COP1: variants seen among roughly 807,000 people sequenced by gnomAD.
The protein encoded by COP1 is E3 ubiquitin-protein ligase COP1.
Under a neutral mutation model 101.3 loss-of-function variants are expected in COP1, and 24 were observed. The observed-to-expected ratio is 0.24, with a 90% CI of 0.17 to 0.33. The LOEUF (loss-of-function observed/expected upper bound fraction) is 0.33, where lower values mean the gene tolerates loss of function less well. Among genes scored for constraint, COP1 ranks in the 10% least tolerant of loss-of-function variants. COP1 has a pLI of 1.00. For synonymous variants in COP1, 347 were observed against 341.9 expected, an observed-to-expected ratio of 1.01 and a Z score of -0.17; for missense variants, 663 against 906.2, an observed-to-expected ratio of 0.73 and a Z score of 3.45.
At position 176,107,660 on chromosome 1, in the gene COP1, A is replaced by G. The variant is rs140273151; in HGVS notation, c.1026+8964T>C. ...AACTAACACATTAACAATTATTATT[A>G]TAAGTAAGATACAATGATAGATGCT... On this transcript the variant is annotated intron_variant, in intron 9 of 19. Transcript: ENST00000367669. Among the ~76,000 whole-genome samples, 291 of 152,312 alleles carry G rather than the reference A, an allele frequency of 1.9e-3. 2 individuals carry two copies. Among genetic ancestry groups the G allele is most frequent in the Non-Finnish European group, 5.4e-4 (37 of 68,014 alleles).
chr1:175,983,977 A>G (rs1398633534), intron 18 of COP1, among the ~76,000 whole-genome samples: 2 of 152,184 alleles, frequency 1.3e-5, no homozygotes, highest in Admixed American at 1.3e-4. Flanking sequence ...TCAGTTTAAT[A>G]AGGGAAACAG....
At chr1:176,106,551 G>C (rs973761450) in intron 9 of COP1, among the ~76,000 whole-genome samples, 5 of 152,208 alleles carry the variant, frequency 3.3e-5, no homozygotes, top group African/African-American at 1.2e-4. Flanking sequence ...GCACTTGACA[G>C]ATCAGCTGGC....
At chr1:176,026,526 G>A (rs1667696509) in intron 15 of COP1, among the ~76,000 whole-genome samples, 2 of 151,976 alleles carry the variant, frequency 1.3e-5, no homozygotes, top group African/African-American at 4.8e-5. Context: ...GACAGAAGTA[G>A]GATCAAATGA....
At position 176,005,146 on chromosome 1, in the gene COP1, G is replaced by T. The variant is rs548864470; in HGVS notation, c.1730-15667C>A. 5.9e-5 allele frequency among the ~76,000 whole-genome samples: 9 copies of T among 152,266 alleles called. No individual in the cohort carries two copies. In the South Asian group the frequency reaches 1.7e-3, roughly 28 times the overall value. On this transcript the variant is annotated intron_variant, in intron 15 of 19. Coordinates refer to ENST00000367669, the MANE Select transcript of COP1 (RefSeq NM_022457.7). ...TTTTCTAGTTTATTTGTGTAGAGGT[G>T]TTTGTAGTATTCTCTGATGGTAGTT...
chr1:176,201,884 A>G (rs762021386), intron 1 of COP1, among the ~76,000 whole-genome samples: 34 of 152,204 alleles, frequency 2.2e-4, no homozygotes, highest in Non-Finnish European at 4.3e-4. Context: ...GCAGATTCAA[A>G]TAAGTTCTTG....
At chr1:175,974,489 A>G (rs1379012410) in intron 18 of COP1, among the ~76,000 whole-genome samples, 1 of 152,220 alleles carries the variant, frequency 6.6e-6, no homozygotes, top group African/African-American at 2.4e-5. Context: ...GAGGAGACAA[A>G]GCAATCATTA....
intron 3 of COP1, among the ~76,000 whole-genome samples, chr1:176,175,223 T>C (rs1302630825): frequency 1.3e-5 from 2 of 152,190 alleles, no homozygotes; most frequent in Non-Finnish European, 2.9e-5. Context: ...GGACTCTTTC[T>C]CACTTCTGCC....
Position 176,206,841 on chromosome 1 carries a change from C to T in COP1, c.138G>A (p.Ala46=). 1.4e-6 allele frequency: 2 copies of T among 1,425,262 alleles called. No homozygotes were observed. Among genetic ancestry groups the T allele is most frequent in the Non-Finnish European group, 1.8e-6 (2 of 1,095,112 alleles). 88.3% of individuals were successfully genotyped at this position (1,425,262 alleles called of 1,614,324 possible). A position where few individuals can be genotyped will look rare whatever the true frequency, so the allele number is the denominator to read the frequency against. ...CCTGGGCCACCCCGCCGGACACCAG[C>T]GCTGCCGCCGAAACCGCCACGGAAG... The part of the protein sequence containing the change: ...SPPSVAVSAA[A]LVSGGVAQAA... The change falls in exon 1 of 20, where the codon GCG becomes GCA. Residue 46 remains alanine, a synonymous_variant. Transcript: ENST00000367669.
At chr1:176,016,572 T>A (rs1665688957) in intron 15 of COP1, among the ~76,000 whole-genome samples, 1 of 152,230 alleles carries the variant, frequency 6.6e-6, no homozygotes, top group African/African-American at 2.4e-5. Flanking sequence ...TGTCTCTCTC[T>A]CTTTCCCTCC....
chr1:176,207,019 G>C lies in COP1; in HGVS notation c.-41C>G. On this transcript the variant is annotated 5_prime_UTR_variant, in exon 1 of 20. Transcript: ENST00000367669. Reference sequence around the variant, plus strand: ...TCCAGCCGGGCGCTCGGAGGAGAGGGACCGCGACCTCGACCCTCCGCCGCC... The same window carrying C: ...TCCAGCCGGGCGCTCGGAGGAGAGGCACCGCGACCTCGACCCTCCGCCGCC... 7.4e-7 allele frequency: 1 copy of C among 1,355,888 alleles called. No individual in the cohort carries two copies. Among genetic ancestry groups the C allele is most frequent in the Non-Finnish European group, 9.5e-7 (1 of 1,056,604 alleles). 84.0% of individuals were successfully genotyped at this position (1,355,888 alleles called of 1,614,324 possible).
At chr1:176,019,746 A>G (rs916596399) in intron 15 of COP1, among the ~76,000 whole-genome samples, 4 of 151,766 alleles carry the variant, frequency 2.6e-5, no homozygotes, top group Non-Finnish European at 5.9e-5. Context: ...CTGTAGTCTC[A>G]GCTACTTGGG....
chr1:176,137,124 A>G (rs1294858435), intron 6 of COP1, among the ~76,000 whole-genome samples: 1 of 152,208 alleles, frequency 6.6e-6, no homozygotes, highest in Non-Finnish European at 1.5e-5. Flanking sequence ...ACAAGTCAGT[A>G]TCTTAACACT....
chr1:176,097,525 T>C (rs1682615922), intron 9 of COP1, among the ~76,000 whole-genome samples: 2 of 152,102 alleles, frequency 1.3e-5, no homozygotes, highest in South Asian at 4.1e-4. Context: ...TACATATATA[T>C]GTGTTGTGTG....
chr1:176,173,498 G>C (rs545127691), intron 3 of COP1, among the ~76,000 whole-genome samples: 1 of 151,710 alleles, frequency 6.6e-6, no homozygotes. Flanking sequence ...AAAATAGCCA[G>C]GTATGGTGGC....
intron 14 of COP1, among the ~76,000 whole-genome samples, chr1:176,039,432 A>G (rs1452999565): frequency 2.7e-5 from 4 of 149,594 alleles, no homozygotes; most frequent in Admixed American, 6.7e-5. Flanking sequence ...GTAAGCAGGG[A>G]AAAAAAAAAC....
intron 8 of COP1, among the ~76,000 whole-genome samples, chr1:176,133,665 C>T (rs1312518381): frequency 7.2e-5 from 11 of 151,770 alleles, no homozygotes; most frequent in Non-Finnish European, 1.5e-4. Context: ...GTAAATGCAC[C>T]GTACTGTCAC....
intron 18 of COP1, among the ~76,000 whole-genome samples, chr1:175,948,364 T>C (rs7517351): frequency 0.76 from 114,873 of 152,144 alleles, 45,158 homozygotes; most frequent in East Asian, 0.92. Context: ...ACTTAAAATG[T>C]CATAGAGGTC....
At chr1:176,000,856 T>C (rs1661436993) in intron 15 of COP1, among the ~76,000 whole-genome samples, 1 of 152,082 alleles carries the variant, frequency 6.6e-6, no homozygotes, top group South Asian at 2.1e-4. Flanking sequence ...CAGAGTGTTT[T>C]TTCTGGGGAT....
chr1:175,971,052 A>G (rs1056638169), intron 18 of COP1, among the ~76,000 whole-genome samples: 4 of 152,252 alleles, frequency 2.6e-5, no homozygotes, highest in Non-Finnish European at 5.9e-5. Context: ...AAAGATATAT[A>G]GAAGACATTT....
Sources: gnomAD v4.1 joint callset for allele counts (sites outside exome capture counted in the v4.1 genomes callset) on GRCh38, gnomAD v4.1.1 for gene constraint, MANE v1.5 for transcripts, NCBI Gene and HGNC (gene_info 2026-07-23, HGNC 2026-07-21) for gene names.